Variants in CSMD1 observed in about 807,000 individuals in gnomAD.
CSMD1 encodes CUB and Sushi multiple domains 1, also known as CUB and sushi domain-containing protein 1.
Under a neutral mutation model 417.5 loss-of-function variants are expected in CSMD1, and 213 were observed. That is an observed-to-expected ratio of 0.51 (90% confidence interval 0.46 to 0.57). The LOEUF (loss-of-function observed/expected upper bound fraction) is 0.57, where lower values mean the gene tolerates loss of function less well. Among genes scored for constraint, CSMD1 ranks in the 20% least tolerant of loss-of-function variants. The pLI, the probability that CSMD1 is intolerant of heterozygous loss-of-function variation, is 0.00. For synonymous variants in CSMD1, 2,862 were observed against 1,736.8 expected (o/e 1.65, Z -16.11); for missense variants, 6,923 against 4,529.7 (o/e 1.53, Z -15.17).
chr8:3,823,133 G>T (rs915710503), intron 5 of CSMD1, among the ~76,000 whole-genome samples: 1 of 152,138 alleles, frequency 6.6e-6, no homozygotes, highest in African/African-American at 2.4e-5. Context: ...CATCCCAAAG[G>T]TATAAACTGT....
At chr8:4,592,289 G>A (rs1158098430) in intron 2 of CSMD1, among the ~76,000 whole-genome samples, 3 of 150,828 alleles carry the variant, frequency 2.0e-5, no homozygotes, top group African/African-American at 7.3e-5. Flanking sequence ...TAGTGAAAGT[G>A]GTATATTTAC....
chr8:4,251,280 A>T (rs527493792), intron 3 of CSMD1, among the ~76,000 whole-genome samples: 1 of 152,358 alleles, frequency 6.6e-6, no homozygotes, highest in Non-Finnish European at 1.5e-5. Flanking sequence ...TTTTTAAAAA[A>T]AATGTTAAAA....
chr8:4,637,409 G>C lies in CSMD1; in HGVS notation c.235C>G (p.Leu79Val). 6.2e-7 allele frequency: 1 copy of C among 1,613,830 alleles called. No individual in the cohort carries two copies. The highest frequency in any genetic ancestry group is 8.5e-7 in the Non-Finnish European group (1 of 1,179,876). The part of the protein sequence containing the change: ...RIQLSFHTFA[L>V]EEDFDILSVY... ...GATAAAATATCAAAATCTTCTTCAA[G>C]AGCAAAGGTATGGAAGGACAACTGT... Residue 79 changes from leucine to valine, a missense_variant, in exon 2 of 70, where the codon CTT becomes GTT. Transcript: ENST00000635120.
intron 3 of CSMD1, among the ~76,000 whole-genome samples, chr8:4,155,231 C>G (rs1025929707): frequency 6.6e-6 from 1 of 152,110 alleles, no homozygotes; most frequent in African/African-American, 2.4e-5. Context: ...CTGGGTCACG[C>G]AAATGTTGAA....
chr8:4,299,839 C>A (rs1797884990), intron 3 of CSMD1, among the ~76,000 whole-genome samples: 1 of 152,090 alleles, frequency 6.6e-6, no homozygotes, highest in Non-Finnish European at 1.5e-5. Flanking sequence ...CCTTCTTGGC[C>A]AGGATGGTCT....
At chr8:4,781,031 G>T (rs891216133) in intron 1 of CSMD1, among the ~76,000 whole-genome samples, 1 of 152,116 alleles carries the variant, frequency 6.6e-6, no homozygotes, top group South Asian at 2.1e-4. Context: ...CCTGCAAATA[G>T]CTTTTCCTGC....
At chr8:4,887,123 T>C (rs1012621301) in intron 1 of CSMD1, among the ~76,000 whole-genome samples, 25 of 152,074 alleles carry the variant, frequency 1.6e-4, no homozygotes, top group African/African-American at 5.6e-4. Flanking sequence ...GCTATAAATA[T>C]TCATCTAAGC....
intron 7 of CSMD1, among the ~76,000 whole-genome samples, chr8:3,699,613 A>G (rs1012061819): frequency 3.9e-5 from 6 of 152,084 alleles, no homozygotes; most frequent in Non-Finnish European, 8.8e-5. Context: ...TTTTTACTCA[A>G]TCATCAGTAA....
In CSMD1 at chr8:3,894,410, A is replaced by G. The variant is rs1173264226; in HGVS notation, c.818+103493T>C. ...ATCCTTCATGGCTTAGACATTTCCA[A>G]AGACCAGCATAATTTTACGTTTTTT... On this transcript the variant is annotated intron_variant, in intron 5 of 69. Coordinates refer to ENST00000635120, the MANE Select transcript of CSMD1 (RefSeq NM_033225.6). Among the ~76,000 whole-genome samples, 3 of 152,184 alleles carry G rather than the reference A, an allele frequency of 2.0e-5. No homozygotes were observed. In the East Asian group the frequency reaches 5.8e-4, roughly 29 times the overall value.
At chr8:3,029,296 G>C (rs1414134511) in intron 51 of CSMD1, 23 bp downstream of exon 51, 6 of 1,550,678 alleles carry the variant, frequency 3.9e-6, no homozygotes, top group Non-Finnish European at 5.2e-6. Flanking sequence ...GTGACTTTCA[G>C]GGGTGCCTCC....
chr8:4,591,065 C>T (rs550980419), intron 2 of CSMD1, among the ~76,000 whole-genome samples: 2 of 152,198 alleles, frequency 1.3e-5, no homozygotes, highest in Non-Finnish European at 1.5e-5. Context: ...TTGTCTCCAA[C>T]AGAAATTCCC....
intron 7 of CSMD1, among the ~76,000 whole-genome samples, chr8:3,617,801 T>C (rs1361097506): frequency 6.6e-6 from 1 of 152,240 alleles, no homozygotes; most frequent in Non-Finnish European, 1.5e-5. Context: ...GTATTTATTA[T>C]AGCTGATTTA....
At chr8:4,099,848 C>G (rs1388446638) in intron 3 of CSMD1, among the ~76,000 whole-genome samples, 1 of 152,110 alleles carries the variant, frequency 6.6e-6, no homozygotes, top group East Asian at 1.9e-4. Context: ...CTTAGAACAT[C>G]CTTCTTTTCC....
At chr8:4,190,759 A>G (rs540009808) in intron 3 of CSMD1, among the ~76,000 whole-genome samples, 1 of 152,218 alleles carries the variant, frequency 6.6e-6, no homozygotes, top group South Asian at 2.1e-4. Flanking sequence ...ATTAAACAGT[A>G]CTATGCGGCC....
At chr8:3,919,935 G>A (rs564411388) in intron 5 of CSMD1, among the ~76,000 whole-genome samples, 1 of 151,996 alleles carries the variant, frequency 6.6e-6, no homozygotes, top group Non-Finnish European at 1.5e-5. Flanking sequence ...CAGATAATTT[G>A]ACTCAGAAAC....
chr8:3,830,201 T>C (rs1802294455), intron 5 of CSMD1, among the ~76,000 whole-genome samples: 1 of 152,186 alleles, frequency 6.6e-6, no homozygotes, highest in African/African-American at 2.4e-5. Flanking sequence ...GAACAAGGAT[T>C]GTTTGAGGTA....
At chr8:4,969,877 C>T (rs1021612738) in intron 1 of CSMD1, among the ~76,000 whole-genome samples, 17 of 151,920 alleles carry the variant, frequency 1.1e-4, no homozygotes, top group South Asian at 4.2e-4. Flanking sequence ...AGTGTCACTA[C>T]GAGTGTATCA....
At chr8:4,654,724 G>C (rs753669496) in intron 1 of CSMD1, among the ~76,000 whole-genome samples, 2 of 152,072 alleles carry the variant, frequency 1.3e-5, no homozygotes, top group East Asian at 3.9e-4. Context: ...ATTTCTCAAT[G>C]CATTCATAAT....
At chr8:3,390,594 C>T (rs967566792) in intron 17 of CSMD1, among the ~76,000 whole-genome samples, 1 of 152,092 alleles carries the variant, frequency 6.6e-6, no homozygotes, top group East Asian at 1.9e-4. Flanking sequence ...TCTGTTCCCA[C>T]TCCTTCTTAC....
Sources: allele counts gnomAD v4.1 joint callset (sites outside exome capture counted in the v4.1 genomes callset), GRCh38; gene constraint gnomAD v4.1.1; transcripts MANE v1.5; gene names NCBI Gene and HGNC (gene_info 2026-07-23, HGNC 2026-07-21).